Variants in FAM168A observed in about 807,000 individuals in gnomAD.
FAM168A encodes family with sequence similarity 168 member A, also known as protein FAM168A.
Under a neutral mutation model 28.5 loss-of-function variants are expected in FAM168A, and 3 were observed. The ratio of observed to expected loss-of-function variants is 0.11; its 90% CI spans 0.05 to 0.27. FAM168A has a LOEUF of 0.27. Among genes scored for constraint, FAM168A ranks in the 10% least tolerant of loss-of-function variants. The probability of loss-of-function intolerance (pLI) is 1.00; values close to 1 mark genes in which losing one functional copy is unlikely to be tolerated. For synonymous variants in FAM168A, 122 were observed against 124.2 expected (o/e 0.98, Z 0.12); for missense variants, 222 against 311.5 (o/e 0.71, Z 2.16).
intron 1 of FAM168A, among the ~76,000 whole-genome samples, chr11:73,555,704 T>C (rs1943881961): frequency 1.4e-5 from 2 of 144,868 alleles, no homozygotes; most frequent in African/African-American, 5.1e-5. Flanking sequence ...TAAGATTCCA[T>C]CTCAAAAAAA....
At chr11:73,551,611 A>T (rs945181109) in intron 1 of FAM168A, among the ~76,000 whole-genome samples, 1 of 152,236 alleles carries the variant, frequency 6.6e-6, no homozygotes, top group African/African-American at 2.4e-5. Flanking sequence ...ATTTTGGAAA[A>T]ACATTTCAGC....
At position 73,406,488 on chromosome 11, in the gene FAM168A, C is replaced by G. The variant is rs1483437877; in HGVS notation, c.*275G>C. 6.6e-6 allele frequency: 1 copy of G among 152,210 alleles called. No individual in the cohort carries two copies. The highest frequency in any genetic ancestry group is 1.5e-5 in the Non-Finnish European group (1 of 68,076). The allele number at this position is 152,210 out of a possible 1,614,324, so 9.4% of individuals were successfully genotyped here. ...GACACTTAGGGAAGAGCAGAGAGGA[C>G]ATGGCCTGGTCAGGTAGGAGGAAGG... On this transcript the variant is annotated 3_prime_UTR_variant, in exon 8 of 8. Coordinates refer to ENST00000356467, the MANE Select transcript of FAM168A (RefSeq NM_015159.3).
chr11:73,588,292 C>T (rs748109684), intron 1 of FAM168A, among the ~76,000 whole-genome samples: 10 of 152,024 alleles, frequency 6.6e-5, no homozygotes, highest in Non-Finnish European at 1.5e-4. Context: ...TATTGGTTGC[C>T]TATGATAAAA....
chr11:73,530,256 C>A (rs1943500285), intron 1 of FAM168A, among the ~76,000 whole-genome samples: 1 of 152,156 alleles, frequency 6.6e-6, no homozygotes, highest in Non-Finnish European at 1.5e-5. Flanking sequence ...CCTTACAGTT[C>A]CAAACCAATT....
At chr11:73,490,412 C>T (rs1198671147) in intron 1 of FAM168A, among the ~76,000 whole-genome samples, 2 of 152,222 alleles carry the variant, frequency 1.3e-5, no homozygotes, top group African/African-American at 4.8e-5. Flanking sequence ...CTTCCTACCT[C>T]ACGCAGTGGA....
chr11:73,433,263 C>T (rs1867028957), intron 2 of FAM168A, among the ~76,000 whole-genome samples: 1 of 150,976 alleles, frequency 6.6e-6, no homozygotes, highest in South Asian at 2.1e-4. Flanking sequence ...TGCAGAAGTT[C>T]TTTATATATT....
chr11:73,456,395 T>C (rs573881287), intron 2 of FAM168A, among the ~76,000 whole-genome samples: 18 of 152,330 alleles, frequency 1.2e-4, no homozygotes, highest in African/African-American at 4.3e-4. Flanking sequence ...AATTTACCAA[T>C]GACTGAATAT....
intron 2 of FAM168A, among the ~76,000 whole-genome samples, chr11:73,438,475 C>G (rs191721860): frequency 1.1e-4 from 17 of 152,126 alleles, no homozygotes; most frequent in Admixed American, 5.9e-4. Flanking sequence ...GTGCATACCA[C>G]ATTAGGGAAA....
intron 1 of FAM168A, among the ~76,000 whole-genome samples, chr11:73,500,430 T>C (rs1214828877): frequency 6.6e-6 from 1 of 152,008 alleles, no homozygotes; most frequent in Non-Finnish European, 1.5e-5. Flanking sequence ...AGCTAATTTT[T>C]GTATTTTTAG....
chr11:73,429,548 C>T (rs894197834), intron 3 of FAM168A, among the ~76,000 whole-genome samples: 2 of 152,200 alleles, frequency 1.3e-5, no homozygotes, highest in Admixed American at 6.5e-5. Context: ...ACGTTCCTCA[C>T]AGTGTCATGT....
intron 1 of FAM168A, among the ~76,000 whole-genome samples, chr11:73,573,723 G>T (rs1944137188): frequency 6.6e-6 from 1 of 151,940 alleles, no homozygotes; most frequent in African/African-American, 2.4e-5. Context: ...AGGTTGGCTG[G>T]AAGACAGGAG....
chr11:73,547,549 C>T (rs888883416), intron 1 of FAM168A, among the ~76,000 whole-genome samples: 1 of 152,044 alleles, frequency 6.6e-6, no homozygotes, highest in Non-Finnish European at 1.5e-5. Context: ...GTAGTCCCAG[C>T]TACTTGGGAT....
At position 73,552,405 on chromosome 11, in the gene FAM168A, C is replaced by T. The variant is rs115406458; in HGVS notation, c.-19+45518G>A. On this transcript the variant is annotated intron_variant, in intron 1 of 7. Transcript: ENST00000356467. Reference sequence around the variant, plus strand: ...GTATTCCACTATAATTTACACTTTACAGTAATTATGCACCTTCTTTAAAAG... The same window carrying T: ...GTATTCCACTATAATTTACACTTTATAGTAATTATGCACCTTCTTTAAAAG... 2.5e-3 allele frequency among the ~76,000 whole-genome samples: 388 copies of T among 152,296 alleles called. 4 individuals carry two copies. The highest frequency in any genetic ancestry group is 9.0e-3 in the African/African-American group (372 of 41,564).
chr11:73,464,878 A>T (rs866933917), intron 2 of FAM168A, among the ~76,000 whole-genome samples: 2,930 of 140,760 alleles, frequency 0.021, 74 homozygotes, highest in African/African-American at 0.068. Flanking sequence ...TTTTTTTTTT[A>T]AAACAAATGA....
chr11:73,478,054 A>C (rs1175835470), intron 1 of FAM168A, among the ~76,000 whole-genome samples: 1 of 152,224 alleles, frequency 6.6e-6, no homozygotes, highest in Non-Finnish European at 1.5e-5. Flanking sequence ...TGTTGGCCTT[A>C]TGATATATAA....
intron 1 of FAM168A, among the ~76,000 whole-genome samples, chr11:73,500,017 A>T (rs1854973822): frequency 1.3e-5 from 2 of 152,154 alleles, no homozygotes; most frequent in Admixed American, 1.3e-4. Context: ...CAGGAAATAC[A>T]GAGAACACCA....
chr11:73,452,698 T>C (rs1867453251), intron 2 of FAM168A, among the ~76,000 whole-genome samples: 1 of 152,050 alleles, frequency 6.6e-6, no homozygotes, highest in East Asian at 1.9e-4. Context: ...TCTCTCCATC[T>C]ACCTATGAAG....
At chr11:73,578,259 C>T (rs1590746196) in intron 1 of FAM168A, among the ~76,000 whole-genome samples, 2 of 151,790 alleles carry the variant, frequency 1.3e-5, no homozygotes, top group Non-Finnish European at 2.9e-5. Context: ...ATAGAAAAGC[C>T]GATAGGTGGT....
intron 2 of FAM168A, among the ~76,000 whole-genome samples, chr11:73,464,536 G>T (rs1867703757): frequency 6.6e-6 from 1 of 152,198 alleles, no homozygotes. Flanking sequence ...ACTGGAGTGG[G>T]CTAGCAGAGG....
Sources: allele counts gnomAD v4.1 joint callset (sites outside exome capture counted in the v4.1 genomes callset), GRCh38; gene constraint gnomAD v4.1.1; transcripts MANE v1.5; gene names NCBI Gene and HGNC (gene_info 2026-07-23, HGNC 2026-07-21).